The following SLC16A7 variants were observed in gnomAD, a reference collection of about 807,000 sequenced individuals.
SLC16A7 encodes monocarboxylate transporter 2.
A neutral mutation model predicts 34.9 loss-of-function variants in SLC16A7; 33 were observed. The observed-to-expected ratio is 0.94, with a 90% CI of 0.72 to 1.26. The LOEUF (loss-of-function observed/expected upper bound fraction) is 1.26, where lower values mean the gene tolerates loss of function less well. Ranked by LOEUF, SLC16A7 falls within the 50% of genes most tolerant of loss-of-function variation. The pLI is 0.00. For synonymous variants in SLC16A7, 201 were observed against 206.6 expected (o/e 0.97, Z 0.23); for missense variants, 573 against 578.1 (o/e 0.99, Z 0.09).
chr12:59,628,917 G>T lies in SLC16A7; in HGVS notation c.-129-26235G>T, dbSNP rs984580186. Among the ~76,000 whole-genome samples, 4 of 151,790 alleles carry T rather than the reference G, an allele frequency of 2.6e-5. No homozygotes were observed. In the South Asian group the frequency reaches 6.3e-4, roughly 24 times the overall value. ...GTCAGTTTGTCTGTCCATTTATCTG[G>T]TCGGCGTGGGCTGCTATAATGAAAT... On this transcript the variant is annotated intron_variant, in intron 1 of 5. Transcript: ENST00000547379.
chr12:59,714,737 G>C (rs1874692397), intron 3 of SLC16A7, among the ~76,000 whole-genome samples: 1 of 151,966 alleles, frequency 6.6e-6, no homozygotes, highest in Admixed American at 6.6e-5. Flanking sequence ...GCAAATTTTT[G>C]TATTTTTAGT....
chr12:59,748,228 A>G (rs1879107398), intron 3 of SLC16A7, among the ~76,000 whole-genome samples: 1 of 152,164 alleles, frequency 6.6e-6, no homozygotes, highest in Non-Finnish European at 1.5e-5. Context: ...AAAAAGTTAA[A>G]TTTTATCAGA....
At chr12:59,664,800 G>C (rs1466962007) in intron 2 of SLC16A7, 2 of 152,122 alleles carry the variant, frequency 1.3e-5, no homozygotes, top group Non-Finnish European at 2.9e-5. Flanking sequence ...CCCTATTTGA[G>C]AGAAGAGAGA....
chr12:59,664,126 G>A (rs373750842), intron 2 of SLC16A7, among the ~76,000 whole-genome samples: 141 of 152,010 alleles, frequency 9.3e-4, no homozygotes, highest in African/African-American at 3.2e-3. Flanking sequence ...TAATCAAAAC[G>A]CTGAGCTTCA....
At position 59,782,729 on chromosome 12, in the gene SLC16A7, T is replaced by C. The variant is rs1451122116; in HGVS notation, c.*3050T>C. 1 of 152,192 alleles carries C rather than the reference T, an allele frequency of 6.6e-6. No homozygotes were observed. The highest frequency in any genetic ancestry group is 2.4e-5 in the African/African-American group (1 of 41,464). The allele number at this position is 152,192 out of a possible 1,614,324, so 9.4% of individuals were successfully genotyped here. A position where few individuals can be genotyped will look rare whatever the true frequency, so the allele number is the denominator to read the frequency against. On this transcript the variant is annotated 3_prime_UTR_variant, in exon 6 of 6. Transcript: ENST00000547379. ...TATGAATAGAACATTGTGTTTGCAC[T>C]TTTCCTGACCTATCCTCACCCCCTT...
intron 2 of SLC16A7, chr12:59,689,458 C>T (rs1161573595): frequency 6.6e-6 from 1 of 152,002 alleles, no homozygotes; most frequent in East Asian, 1.9e-4. Flanking sequence ...TGTTTCTAAA[C>T]ACCTGTCGCC....
chr12:59,780,855 G>A lies in SLC16A7; in HGVS notation c.*1176G>A, dbSNP rs1009917881. On this transcript the variant is annotated 3_prime_UTR_variant, in exon 6 of 6. Coordinates refer to ENST00000547379, the MANE Select transcript of SLC16A7 (RefSeq NM_001270623.2). ...TCCTTCCCTTCCACAAAATGCAAGA[G>A]CAAAAGCAAACTACAAACAGGCCTT... 5 of 152,222 alleles carry A rather than the reference G, an allele frequency of 3.3e-5. No individual in the cohort carries two copies. The highest frequency in any genetic ancestry group is 1.2e-4 in the African/African-American group (5 of 41,528). 9.4% of individuals were successfully genotyped at this position (152,222 alleles called of 1,614,324 possible).
At chr12:59,705,507 A>C (rs1346561964) in intron 3 of SLC16A7, among the ~76,000 whole-genome samples, 1 of 152,158 alleles carries the variant, frequency 6.6e-6, no homozygotes, top group African/African-American at 2.4e-5. Context: ...TGACTGAAAT[A>C]ATTATTTATC....
intron 3 of SLC16A7, among the ~76,000 whole-genome samples, chr12:59,749,685 G>A (rs2711691): frequency 0.43 from 66,073 of 151,996 alleles, 16,458 homozygotes; most frequent in African/African-American, 0.69. Context: ...CATGAAAGTC[G>A]CCAAGCTTGA....
Position 59,771,047 on chromosome 12 carries a change from A to T in SLC16A7, c.218-172A>T, listed in dbSNP as rs146606336. Among the ~76,000 whole-genome samples, 208 of 152,330 alleles carry T rather than the reference A, an allele frequency of 1.4e-3. No individual in the cohort carries two copies. The Middle Eastern group carries it at 0.017, about 12-fold the overall frequency. On this transcript the variant is annotated intron_variant, in intron 3 of 5. Coordinates refer to ENST00000547379, the MANE Select transcript of SLC16A7 (RefSeq NM_001270623.2). ...ACATATGACTGAAAATAACCTGTCAAACTGATCATTTGTGAAGTATTGAAA... is the reference window on the plus strand; with the variant it reads ...ACATATGACTGAAAATAACCTGTCATACTGATCATTTGTGAAGTATTGAAA...
In SLC16A7 at chr12:59,782,449, A is replaced by C. The variant is rs1883314555; in HGVS notation, c.*2770A>C. On this transcript the variant is annotated 3_prime_UTR_variant, in exon 6 of 6. Transcript: ENST00000547379. ...TATATTTGGCTTCTGCCTCTGCAAC[A>C]ATTAGTATGAACATATTTCTTTCTC... 6.6e-6 allele frequency: 1 copy of C among 152,174 alleles called. No individual in the cohort carries two copies. Among genetic ancestry groups the C allele is most frequent in the Admixed American group, 6.5e-5 (1 of 15,276 alleles). 9.4% of individuals were successfully genotyped at this position (152,174 alleles called of 1,614,324 possible).
At chr12:59,708,019 A>G (rs948289148) in intron 3 of SLC16A7, among the ~76,000 whole-genome samples, 2 of 152,158 alleles carry the variant, frequency 1.3e-5, no homozygotes, top group Non-Finnish European at 2.9e-5. Flanking sequence ...AATAACATCT[A>G]TGTCTTATCC....
chr12:59,735,940 G>C (rs1427327938), intron 3 of SLC16A7: 3 of 1,249,718 alleles, frequency 2.4e-6, no homozygotes, highest in Non-Finnish European at 3.1e-6. Flanking sequence ...GAAAAAAGGA[G>C]AAGCGGAATG....
At chr12:59,627,297 G>T (rs1440093205) in intron 1 of SLC16A7, among the ~76,000 whole-genome samples, 2 of 151,790 alleles carry the variant, frequency 1.3e-5, no homozygotes, top group African/African-American at 4.8e-5. Flanking sequence ...TTTAGAAAAA[G>T]TAAATGAATT....
intron 3 of SLC16A7, among the ~76,000 whole-genome samples, chr12:59,767,132 C>G (rs1260079624): frequency 6.6e-6 from 1 of 150,756 alleles, no homozygotes; most frequent in Non-Finnish European, 1.5e-5. Flanking sequence ...TGCTTCTTTC[C>G]TTAAACGTCA....
rs12718000 is a variant in SLC16A7 at position 59,775,484 on chromosome 12, G to A, written c.1180+9G>A. ...TGGCCCTCCTCTTGCAGGTAAGAAC[G>A]TTTTTCATCAAGGAAAATGTAAAGC... On this transcript the variant is annotated intron_variant, in intron 5 of 5. Coordinates refer to ENST00000547379, the MANE Select transcript of SLC16A7 (RefSeq NM_001270623.2). 149,940 of 1,599,018 alleles carry A rather than the reference G, an allele frequency of 0.094. 8,680 individuals are homozygous for A. Among genetic ancestry groups the A allele is most frequent in the African/African-American group, 0.21 (15,882 of 74,452 alleles).
chr12:59,744,333 T>C (rs1878654827), intron 3 of SLC16A7, among the ~76,000 whole-genome samples: 2 of 152,052 alleles, frequency 1.3e-5, no homozygotes, highest in South Asian at 4.2e-4. Context: ...TTAGAGATTA[T>C]GGTTGGACGT....
In SLC16A7 at chr12:59,787,471, T is replaced by A. The variant is rs542341975; in HGVS notation, c.*7792T>A. On this transcript the variant is annotated 3_prime_UTR_variant, in exon 6 of 6. Coordinates refer to ENST00000547379, the MANE Select transcript of SLC16A7 (RefSeq NM_001270623.2). ...GTTAGAGATTCCATCTACCTCTGCATCTTATCTAGCTAGATACAGTCTTTC... is the reference window on the plus strand; with the variant it reads ...GTTAGAGATTCCATCTACCTCTGCAACTTATCTAGCTAGATACAGTCTTTC... The A allele has an allele frequency of 1.3e-5, 2 of 152,324 alleles. No individual in the cohort carries two copies. Among genetic ancestry groups the A allele is most frequent in the African/African-American group, 4.8e-5 (2 of 41,576 alleles). The allele number at this position is 152,324 out of a possible 1,614,324, so 9.4% of individuals were successfully genotyped here. A position where few individuals can be genotyped will look rare whatever the true frequency, so the allele number is the denominator to read the frequency against.
At chr12:59,666,616 A>G (rs1869228277) in intron 2 of SLC16A7, among the ~76,000 whole-genome samples, 1 of 152,116 alleles carries the variant, frequency 6.6e-6, no homozygotes, top group Admixed American at 6.6e-5. Context: ...TGGTCTTATG[A>G]AGGGCAGTTC....
Sources: allele counts gnomAD v4.1 joint callset (sites outside exome capture counted in the v4.1 genomes callset), GRCh38; gene constraint gnomAD v4.1.1; transcripts MANE v1.5; gene names NCBI Gene and HGNC (gene_info 2026-07-23, HGNC 2026-07-21).